The following CASP8 variants were observed in gnomAD, a reference collection of about 807,000 sequenced individuals.
The protein encoded by CASP8 is caspase 8.
A neutral mutation model predicts 46.3 loss-of-function variants in CASP8; 24 were observed. The observed-to-expected ratio is 0.52, with a 90% CI of 0.38 to 0.73. CASP8 has a LOEUF of 0.73. CASP8 is among the 30% of genes least tolerant of loss of function. The pLI is 0.00. For synonymous variants in CASP8, 188 were observed against 200.4 expected, an observed-to-expected ratio of 0.94 and a Z score of 0.52; for missense variants, 460 against 559.0, an observed-to-expected ratio of 0.82 and a Z score of 1.79.
At chr2:201,242,735 G>T (rs1412018632) in intron 2 of CASP8, 1 of 151,994 alleles carries the variant, frequency 6.6e-6, no homozygotes, top group Non-Finnish European at 1.5e-5. Flanking sequence ...CAGTTTTGAG[G>T]AAGAACAAAG....
At chr2:201,279,344 AAC>A (rs1948851559) in intron 7 of CASP8, among the ~76,000 whole-genome samples, 1 of 152,238 alleles carries the variant, frequency 6.6e-6, no homozygotes, top group African/African-American at 2.4e-5. Context: ...CATTTTACTG[AAC>A]ACAGAGAGAC....
At chr2:201,275,693 A>C (rs1307803886) in intron 6 of CASP8, among the ~76,000 whole-genome samples, 3 of 152,228 alleles carry the variant, frequency 2.0e-5, no homozygotes, top group Non-Finnish European at 4.4e-5. Context: ...CCCACTGAAG[A>C]GCTAAAAACA....
chr2:201,242,481 A>G (rs1376279745), intron 2 of CASP8: 1 of 152,196 alleles, frequency 6.6e-6, no homozygotes, highest in South Asian at 2.1e-4. Context: ...ATAAGGCACT[A>G]GTCCCATTCA....
At chr2:201,279,952 C>CAAAT (rs1036119442) in intron 7 of CASP8, among the ~76,000 whole-genome samples, 1 of 151,340 alleles carries the variant, frequency 6.6e-6, no homozygotes, top group Non-Finnish European at 1.5e-5. Flanking sequence ...GACTCCATCT[C>CAAAT]AAATAAATAA....
chr2:201,240,476 G>C (rs1946252854), intron 2 of CASP8: 1 of 152,078 alleles, frequency 6.6e-6, no homozygotes, highest in African/African-American at 2.4e-5. Flanking sequence ...CCACCATGAA[G>C]ATATAACAAT....
intron 2 of CASP8, among the ~76,000 whole-genome samples, chr2:201,268,417 G>A (rs1325067125): frequency 3.9e-5 from 6 of 152,088 alleles, no homozygotes; most frequent in African/African-American, 7.2e-5. Flanking sequence ...TGGGTGTGGC[G>A]GCTCACGCCT....
intron 1 of CASP8, among the ~76,000 whole-genome samples, chr2:201,261,797 T>C (rs1261023265): frequency 6.6e-6 from 1 of 152,230 alleles, no homozygotes; most frequent in South Asian, 2.1e-4. Flanking sequence ...CTGCTTCCGA[T>C]GGCAAATGCA....
chr2:201,234,707 C>T (rs917989661), intron 2 of CASP8, among the ~76,000 whole-genome samples: 10 of 152,050 alleles, frequency 6.6e-5, no homozygotes, highest in Non-Finnish European at 1.2e-4. Flanking sequence ...GATCTACCCA[C>T]CTTGGCCTCC....
chr2:201,268,564 A>G (rs930412724), intron 2 of CASP8, among the ~76,000 whole-genome samples: 3 of 151,680 alleles, frequency 2.0e-5, no homozygotes, highest in African/African-American at 7.3e-5. Context: ...AAAAAAAAAG[A>G]AAGAGATATT....
chr2:201,234,774 GATA>G (rs1392011846), intron 2 of CASP8, among the ~76,000 whole-genome samples: 1 of 151,954 alleles, frequency 6.6e-6, no homozygotes, highest in African/African-American at 2.4e-5. Context: ...CACATTTTTA[GATA>G]ATATGACCAC....
At chr2:201,271,408 C>CT (rs1427173891) in intron 2 of CASP8, 108 bp from the exon 3 acceptor site, 2 of 763,382 alleles carry the variant, frequency 2.6e-6, no homozygotes, top group Admixed American at 1.9e-5. Context: ...CATTAACTGG[C>CT]TTTATGTTGA....
intron 1 of CASP8, among the ~76,000 whole-genome samples, chr2:201,265,388 A>G (rs1947732373): frequency 6.6e-6 from 1 of 151,782 alleles, no homozygotes; most frequent in Non-Finnish European, 1.5e-5. Flanking sequence ...AGAAAAAAAA[A>G]AAACGAAAAC....
intron 2 of CASP8, among the ~76,000 whole-genome samples, chr2:201,250,396 T>C (rs1250991804): frequency 2.6e-5 from 4 of 152,210 alleles, no homozygotes; most frequent in Admixed American, 2.6e-4. Context: ...TGGCTCATGG[T>C]TCCACAGACT....
intron 2 of CASP8, among the ~76,000 whole-genome samples, chr2:201,250,074 G>A (rs371857338): frequency 1.5e-4 from 23 of 152,296 alleles, no homozygotes; most frequent in African/African-American, 5.3e-4. Context: ...AGTTGTGGAG[G>A]ATATGATAGA....
intron 7 of CASP8, among the ~76,000 whole-genome samples, chr2:201,283,592 G>A (rs1372646136): frequency 2.3e-5 from 2 of 87,950 alleles, no homozygotes; most frequent in Admixed American, 9.1e-5. Context: ...CCTCCCTCCC[G>A]GACGGGGCGG....
At chr2:201,284,792 G>T in intron 7 of CASP8, 24 bp from the exon 8 acceptor site, 1 of 1,598,614 alleles carries the variant, frequency 6.3e-7, no homozygotes, top group South Asian at 1.1e-5. Flanking sequence ...GGTATAACGT[G>T]ACTGTTCAAA....
chr2:201,275,214 G>A (rs1948555390), intron 6 of CASP8, among the ~76,000 whole-genome samples: 1 of 152,102 alleles, frequency 6.6e-6, no homozygotes, highest in African/African-American at 2.4e-5. Flanking sequence ...GGAGGGTGGA[G>A]GGGGTAATAA....
intron 2 of CASP8, among the ~76,000 whole-genome samples, chr2:201,251,119 T>C (rs1421499254): frequency 6.6e-6 from 1 of 152,240 alleles, no homozygotes; most frequent in South Asian, 2.1e-4. Flanking sequence ...TAATAATCTA[T>C]GGTATGGATG....
chr2:201,273,070 T>A (rs539394374), intron 5 of CASP8, 128 bp downstream of exon 5: 2 of 831,410 alleles, frequency 2.4e-6, no homozygotes, highest in African/African-American at 3.5e-5. Flanking sequence ...TTTTTTTTTT[T>A]TTTTTGTGAG....
Sources: gnomAD v4.1 joint callset for allele counts (sites outside exome capture counted in the v4.1 genomes callset) on GRCh38, gnomAD v4.1.1 for gene constraint, MANE v1.5 for transcripts, NCBI Gene and HGNC (gene_info 2026-07-23, HGNC 2026-07-21) for gene names.